GALNT17: variants seen among roughly 807,000 people sequenced by gnomAD.
GALNT17 encodes polypeptide N-acetylgalactosaminyltransferase 17, also known as UDP-GalNAc:polypeptide N-acetylgalactosaminyltransferase-like 3.
GALNT17 carries 29 observed loss-of-function variants against 63.7 expected under a neutral mutation model. The ratio of observed to expected loss-of-function variants is 0.46; its 90% CI spans 0.34 to 0.62. The LOEUF (loss-of-function observed/expected upper bound fraction) is 0.62, where lower values mean the gene tolerates loss of function less well. Among genes scored for constraint, GALNT17 ranks in the 20% least tolerant of loss-of-function variants. GALNT17 has a pLI of 0.01. For missense variants in GALNT17, 603 were observed against 799.6 expected (o/e 0.75, Z 2.97); for synonymous variants, 305 against 318.3 (o/e 0.96, Z 0.45).
At chr7:71,381,405 G>A (rs1041030968) in intron 2 of GALNT17, among the ~76,000 whole-genome samples, 1 of 152,156 alleles carries the variant, frequency 6.6e-6, no homozygotes, top group Admixed American at 6.5e-5. Flanking sequence ...GGACTGGGAG[G>A]TTGGCCCAAG....
chr7:71,643,795 C>A (rs1013352399), intron 6 of GALNT17, among the ~76,000 whole-genome samples: 1 of 152,028 alleles, frequency 6.6e-6, no homozygotes, highest in African/African-American at 2.4e-5. Flanking sequence ...AGAGAAAGAA[C>A]AAAGCGACAC....
chr7:71,704,895 A>T (rs894557963), intron 9 of GALNT17, among the ~76,000 whole-genome samples: 1 of 152,234 alleles, frequency 6.6e-6, no homozygotes, highest in African/African-American at 2.4e-5. Context: ...AATATAAGAG[A>T]TGAAACTATA....
chr7:71,688,749 T>C (rs1442535004), intron 9 of GALNT17, among the ~76,000 whole-genome samples: 1 of 152,192 alleles, frequency 6.6e-6, no homozygotes, highest in East Asian at 1.9e-4. Flanking sequence ...AACAACTCTA[T>C]ATCTGTTCCT....
chr7:71,291,971 A>G (rs1790987289), intron 1 of GALNT17, among the ~76,000 whole-genome samples: 1 of 152,082 alleles, frequency 6.6e-6, no homozygotes, highest in Admixed American at 6.6e-5. Context: ...TGGTTGGTTC[A>G]TTTATTTTTC....
chr7:71,144,518 A>G (rs531707059), intron 1 of GALNT17, among the ~76,000 whole-genome samples: 1 of 152,270 alleles, frequency 6.6e-6, no homozygotes, highest in South Asian at 2.1e-4. Flanking sequence ...ATTGTCATCT[A>G]ATTGGAAGGA....
At chr7:71,253,997 G>A (rs191244783) in intron 1 of GALNT17, among the ~76,000 whole-genome samples, 176 of 152,294 alleles carry the variant, frequency 1.2e-3, no homozygotes, top group Middle Eastern at 3.4e-3. Context: ...CTGAGAACAT[G>A]TGCCCCAGGA....
chr7:71,133,131 C>G, intron 1 of GALNT17, 91 bp downstream of exon 1: 1 of 1,197,994 alleles, frequency 8.3e-7, no homozygotes, highest in South Asian at 1.7e-5. Context: ...CGCCCTGTGC[C>G]TGGGAGCCGG....
intron 1 of GALNT17, among the ~76,000 whole-genome samples, chr7:71,312,452 T>C (rs1791428091): frequency 6.6e-6 from 1 of 152,246 alleles, no homozygotes. Context: ...GAAAATTGAG[T>C]ACAATTATCT....
At chr7:71,559,844 G>A (rs576191848) in intron 5 of GALNT17, among the ~76,000 whole-genome samples, 4 of 150,940 alleles carry the variant, frequency 2.7e-5, no homozygotes, top group African/African-American at 9.8e-5. Flanking sequence ...TGGAGTGCAG[G>A]TTCTTTTTTC....
At chr7:71,349,336 G>A (rs531489393) in intron 2 of GALNT17, among the ~76,000 whole-genome samples, 2 of 152,278 alleles carry the variant, frequency 1.3e-5, no homozygotes, top group East Asian at 1.9e-4. Context: ...GGAGAGCCAC[G>A]TGTGCGCTGT....
intron 5 of GALNT17, among the ~76,000 whole-genome samples, chr7:71,569,547 G>A (rs1015703130): frequency 2.0e-5 from 3 of 152,198 alleles, no homozygotes; most frequent in African/African-American, 7.2e-5. Flanking sequence ...TTCTGTTCCT[G>A]CATTAATTTG....
rs1178713360 is a variant in GALNT17 at position 71,321,867 on chromosome 7, T to TTTCC, written c.239-13630_239-13627dup. 9.6e-3 allele frequency among the ~76,000 whole-genome samples: 452 copies of TTTCC among 46,850 alleles called. 15 individuals carry two copies. The highest frequency in any genetic ancestry group is 0.026 in the Middle Eastern group (1 of 38). The allele number at this position is 46,850 out of a possible 152,430, so 30.7% of individuals were successfully genotyped here. On this transcript the variant is annotated intron_variant, in intron 1 of 10. Transcript: ENST00000333538. ...TTCCTTCCTTTCCTTCCTTCCTTCC[T>TTTCC]TTCCTTCCTTCCTTCCTTCCTTCCT...
chr7:71,410,537 C>T (rs888086288), intron 3 of GALNT17, among the ~76,000 whole-genome samples: 5 of 152,190 alleles, frequency 3.3e-5, no homozygotes, highest in Admixed American at 1.3e-4. Context: ...TGAGCCATCA[C>T]ACCCAGCCTC....
intron 6 of GALNT17, among the ~76,000 whole-genome samples, chr7:71,656,261 G>T (rs1790827140): frequency 6.6e-6 from 1 of 152,144 alleles, no homozygotes. Context: ...CGTGATAAGG[G>T]CTATGCTAGC....
chr7:71,323,568 T>G (rs1791653396), intron 1 of GALNT17, among the ~76,000 whole-genome samples: 1 of 152,206 alleles, frequency 6.6e-6, no homozygotes, highest in Non-Finnish European at 1.5e-5. Flanking sequence ...AGGGAAAATG[T>G]CAAAATCATC....
chr7:71,139,469 A>G lies in GALNT17; in HGVS notation c.238+6429A>G, dbSNP rs4719078. ...AATAGAAGTGGAGTTGCTTAAAGAAATTGAAAATCTTTGTAGAAATGGAGA... is the reference window on the plus strand; with the variant it reads ...AATAGAAGTGGAGTTGCTTAAAGAAGTTGAAAATCTTTGTAGAAATGGAGA... On this transcript the variant is annotated intron_variant, in intron 1 of 10. Coordinates refer to ENST00000333538, the MANE Select transcript of GALNT17 (RefSeq NM_022479.3). Among the ~76,000 whole-genome samples the G allele has an allele frequency of 4.0e-3, 612 of 152,312 alleles. 17 individuals are homozygous for G. Among genetic ancestry groups the G allele is most frequent in the Admixed American group, 0.033 (509 of 15,300 alleles).
chr7:71,359,807 C>G (rs1252100260), intron 2 of GALNT17, among the ~76,000 whole-genome samples: 1 of 152,114 alleles, frequency 6.6e-6, no homozygotes, highest in Non-Finnish European at 1.5e-5. Flanking sequence ...TGGCCTCAAA[C>G]TCCTGACCTC....
At chr7:71,694,689 C>G (rs1791514408) in intron 9 of GALNT17, among the ~76,000 whole-genome samples, 1 of 152,214 alleles carries the variant, frequency 6.6e-6, no homozygotes, top group Admixed American at 6.5e-5. Context: ...AGCCACGGTG[C>G]CCAGCCATTA....
chr7:71,465,676 G>T (rs540650648), intron 5 of GALNT17, among the ~76,000 whole-genome samples: 9 of 152,170 alleles, frequency 5.9e-5, no homozygotes, highest in Non-Finnish European at 8.8e-5. Flanking sequence ...CTCACAAGAG[G>T]CAGATTCATG....
Sources: gnomAD v4.1 joint callset for allele counts (sites outside exome capture counted in the v4.1 genomes callset) on GRCh38, gnomAD v4.1.1 for gene constraint, MANE v1.5 for transcripts, NCBI Gene and HGNC (gene_info 2026-07-23, HGNC 2026-07-21) for gene names.